The following IFI27L1 variants were observed in gnomAD, a reference collection of about 807,000 sequenced individuals.
The protein encoded by IFI27L1 is interferon alpha-inducible protein 27-like protein 1.
In IFI27L1, 3 loss-of-function variants were observed where a neutral mutation model predicts 9.2. That is an observed-to-expected ratio of 0.32 (90% confidence interval 0.15 to 0.84). IFI27L1 has a LOEUF of 0.84. Ranked by LOEUF, IFI27L1 falls within the 40% of genes least tolerant of loss-of-function variation. The probability of loss-of-function intolerance (pLI) is 0.56; values close to 1 mark genes in which losing one functional copy is unlikely to be tolerated. For missense variants in IFI27L1, 133 were observed against 134.2 expected, an observed-to-expected ratio of 0.99 and a Z score of 0.05; for synonymous variants, 53 against 50.0, an observed-to-expected ratio of 1.06 and a Z score of -0.26.
chr14:94,085,598 G>A (rs1249381457), intron 1 of IFI27L1, among the ~76,000 whole-genome samples: 1 of 152,092 alleles, frequency 6.6e-6, no homozygotes, highest in African/African-American at 2.4e-5. Flanking sequence ...ATGGAACTGA[G>A]TGTAATTTTT....
chr14:94,100,202 T>C, intron 2 of IFI27L1: 1 of 876,106 alleles, frequency 1.1e-6, no homozygotes, highest in Non-Finnish European at 1.4e-6. Context: ...AGGGAGGTCC[T>C]GAGCCATGAG....
intron 2 of IFI27L1, among the ~76,000 whole-genome samples, chr14:94,097,337 C>A (rs1266040976): frequency 1.3e-5 from 2 of 152,226 alleles, no homozygotes; most frequent in Non-Finnish European, 2.9e-5. Flanking sequence ...TGGAAGGCTG[C>A]AGTGGCCTTT....
At chr14:94,099,993 CTAAACTT>C (rs573555599) in intron 2 of IFI27L1, among the ~76,000 whole-genome samples, 1 of 152,252 alleles carries the variant, frequency 6.6e-6, no homozygotes, top group Non-Finnish European at 1.5e-5. Flanking sequence ...TTTTAATTCA[CTAAACTT>C]TAAATAGCCA....
intron 1 of IFI27L1, among the ~76,000 whole-genome samples, chr14:94,087,602 A>G (rs1886324577): frequency 6.6e-6 from 1 of 151,614 alleles, no homozygotes; most frequent in Non-Finnish European, 1.5e-5. Context: ...AATTTTTTCT[A>G]TTTTTAGTAG....
In IFI27L1 at chr14:94,081,414, T is replaced by G. The variant is rs1399063755; in HGVS notation, c.-87T>G. 1 of 152,286 alleles carries G rather than the reference T, an allele frequency of 6.6e-6. No homozygotes were observed. The highest frequency in any genetic ancestry group is 1.5e-5 in the Non-Finnish European group (1 of 68,084). 9.4% of individuals were successfully genotyped at this position (152,286 alleles called of 1,614,324 possible). On this transcript the variant is annotated 5_prime_UTR_variant, in exon 1 of 5. Coordinates refer to ENST00000555523, the MANE Select transcript of IFI27L1 (RefSeq NM_206949.3). ...AGAAGGTGAAATTCTGTGTGCTCCCTCCGGCGAGAGACTTTGTCAGCTCCC... is the reference window on the plus strand; with the variant it reads ...AGAAGGTGAAATTCTGTGTGCTCCCGCCGGCGAGAGACTTTGTCAGCTCCC...
intron 1 of IFI27L1, chr14:94,094,602 C>T (rs1886602182): frequency 6.6e-6 from 1 of 152,240 alleles, no homozygotes; most frequent in East Asian, 1.9e-4. Flanking sequence ...ACCTCCATCA[C>T]TCTAGGAATT....
At chr14:94,086,267 T>G (rs1886278061) in intron 1 of IFI27L1, among the ~76,000 whole-genome samples, 1 of 152,138 alleles carries the variant, frequency 6.6e-6, no homozygotes, top group South Asian at 2.1e-4. Flanking sequence ...ATCGTAAGCT[T>G]CCTGAGGCCT....
chr14:94,086,359 T>G (rs1311912291), intron 1 of IFI27L1, among the ~76,000 whole-genome samples: 3 of 152,202 alleles, frequency 2.0e-5, no homozygotes, highest in Admixed American at 2.0e-4. Flanking sequence ...CTTTTTTAGA[T>G]AAATTACCCA....
At chr14:94,102,138 G>GCAC (rs1886925177) in intron 4 of IFI27L1, 163 bp downstream of exon 4, 2 of 735,366 alleles carry the variant, frequency 2.7e-6, no homozygotes, top group Non-Finnish European at 4.6e-6. Flanking sequence ...GACCAGGGGT[G>GCAC]CAGCCTAAGA....
At chr14:94,082,264 C>G (rs1886134423) in intron 1 of IFI27L1, among the ~76,000 whole-genome samples, 2 of 151,580 alleles carry the variant, frequency 1.3e-5, no homozygotes, top group Non-Finnish European at 2.9e-5. Flanking sequence ...TCTATGATGA[C>G]TGAGAGAGGT....
At chr14:94,102,107 C>T in intron 4 of IFI27L1, 132 bp downstream of exon 4, 1 of 947,726 alleles carries the variant, frequency 1.1e-6, no homozygotes, top group Non-Finnish European at 1.6e-6. Flanking sequence ...TGTCACTGTC[C>T]CCTCTTCTGG....
chr14:94,092,595 C>T (rs1334108340), intron 1 of IFI27L1, among the ~76,000 whole-genome samples: 2 of 152,298 alleles, frequency 1.3e-5, no homozygotes, highest in East Asian at 3.9e-4. Context: ...TTCTCATAAA[C>T]CTTTTATAAC....
At chr14:94,097,093 A>G (rs1401392149) in intron 2 of IFI27L1, 128 bp downstream of exon 2, 33 of 509,220 alleles carry the variant, frequency 6.5e-5, no homozygotes, top group African/African-American at 1.4e-4. Context: ...ATGGAAAAGA[A>G]TTATTCAGGA....
intron 1 of IFI27L1, among the ~76,000 whole-genome samples, chr14:94,084,869 C>T (rs1271436217): frequency 6.6e-6 from 1 of 152,204 alleles, no homozygotes; most frequent in Non-Finnish European, 1.5e-5. Context: ...AGCCCTTTCT[C>T]TTCCTCAAGG....
chr14:94,088,466 G>C (rs374490009), intron 1 of IFI27L1, among the ~76,000 whole-genome samples: 5 of 150,512 alleles, frequency 3.3e-5, no homozygotes, highest in Admixed American at 2.0e-4. Context: ...TGGAACATCA[G>C]CTTAGACCCT....
chr14:94,089,154 G>T (rs921154852), intron 1 of IFI27L1: 2 of 152,172 alleles, frequency 1.3e-5, no homozygotes, highest in Admixed American at 1.3e-4. Flanking sequence ...AAGGTTCTTG[G>T]ATATCATGCA....
intron 1 of IFI27L1, among the ~76,000 whole-genome samples, chr14:94,085,451 A>G (rs73351219): frequency 0.15 from 22,533 of 152,210 alleles, 2,600 homozygotes; most frequent in African/African-American, 0.32. Context: ...TGACCTTAGC[A>G]ATTCCTTTTG....
chr14:94,098,792 C>A (rs957603769), intron 2 of IFI27L1, among the ~76,000 whole-genome samples: 2 of 152,164 alleles, frequency 1.3e-5, no homozygotes, highest in Admixed American at 6.5e-5. Flanking sequence ...CGTGCCTATA[C>A]ACACATCTTG....
chr14:94,097,012 A>G, intron 2 of IFI27L1, 47 bp downstream of exon 2: 1 of 1,538,772 alleles, frequency 6.5e-7, no homozygotes, highest in Middle Eastern at 1.7e-4. Flanking sequence ...TTCCGAGGTG[A>G]ATGCACTTTG....
Sources: allele counts gnomAD v4.1 joint callset (sites outside exome capture counted in the v4.1 genomes callset), GRCh38; gene constraint gnomAD v4.1.1; transcripts MANE v1.5; gene names NCBI Gene and HGNC (gene_info 2026-07-23, HGNC 2026-07-21).